Variants in NBAS observed in about 807,000 individuals in gnomAD.
NBAS encodes NBAS subunit of NRZ tethering complex, also known as NAG/BC035112 fusion.
Under a neutral mutation model 302.5 loss-of-function variants are expected in NBAS, and 219 were observed. That is an observed-to-expected ratio of 0.72 (90% CI 0.65 to 0.81). The LOEUF (loss-of-function observed/expected upper bound fraction) is 0.81, where lower values mean the gene tolerates loss of function less well. Ranked by LOEUF, NBAS falls within the 30% of genes least tolerant of loss-of-function variation. The pLI, the probability that NBAS is intolerant of heterozygous loss-of-function variation, is 0.00. For synonymous variants in NBAS, 1,118 were observed against 1,021.6 expected (o/e 1.09, Z -1.80); for missense variants, 2,932 against 2,841.6 (o/e 1.03, Z -0.72).
the NBAS span, among the ~76,000 whole-genome samples, chr2:14,798,079 G>A: frequency 6.6e-6 from 1 of 152,044 alleles, no homozygotes. Context: ...GCTCAAATAT[G>A]CTATGTTTCT....
intron 44 of NBAS, among the ~76,000 whole-genome samples, chr2:15,244,100 C>T (rs1257917929): frequency 6.6e-6 from 1 of 152,116 alleles, no homozygotes; most frequent in African/African-American, 2.4e-5. Context: ...AGGGGTGATA[C>T]ATCAAAGATA....
the NBAS span, among the ~76,000 whole-genome samples, chr2:14,931,922 A>G: frequency 6.6e-6 from 1 of 152,188 alleles, no homozygotes; most frequent in Non-Finnish European, 1.5e-5. Context: ...ACTGGATAGT[A>G]TTTTTATTAA....
the NBAS span, among the ~76,000 whole-genome samples, chr2:14,809,633 G>C: frequency 6.6e-6 from 1 of 152,330 alleles, no homozygotes; most frequent in African/African-American, 2.4e-5. Context: ...GCTAGGTAGG[G>C]CAGTGCAGAA....
intron 12 of NBAS, among the ~76,000 whole-genome samples, chr2:15,481,732 G>A (rs1481424270): frequency 2.0e-5 from 3 of 152,152 alleles, no homozygotes; most frequent in African/African-American, 2.4e-5. Context: ...TTCAACTGAA[G>A]CAACCGAAAG....
At chr2:14,838,426 C>A in the NBAS span, among the ~76,000 whole-genome samples, 1 of 151,898 alleles carries the variant, frequency 6.6e-6, no homozygotes, top group Non-Finnish European at 1.5e-5. Context: ...TGTTGCAACA[C>A]TTTTTATAAT....
At chr2:15,317,461 G>A (rs1671566962) in intron 38 of NBAS, among the ~76,000 whole-genome samples, 1 of 152,180 alleles carries the variant, frequency 6.6e-6, no homozygotes, top group African/African-American at 2.4e-5. Flanking sequence ...CCGAGCTAAA[G>A]GAGCATGTTC....
chr2:15,506,225 C>T (rs902538048), intron 10 of NBAS, among the ~76,000 whole-genome samples: 4 of 151,650 alleles, frequency 2.6e-5, no homozygotes, highest in Non-Finnish European at 5.9e-5. Context: ...AATTATAATC[C>T]ATGAAAACTT....
At chr2:14,954,136 A>G in the NBAS span, among the ~76,000 whole-genome samples, 1 of 152,238 alleles carries the variant, frequency 6.6e-6, no homozygotes. Flanking sequence ...GGCAGAAATT[A>G]TCTCATAAAT....
At chr2:14,955,878 C>T in the NBAS span, among the ~76,000 whole-genome samples, 7 of 152,350 alleles carry the variant, frequency 4.6e-5, no homozygotes, top group South Asian at 1.4e-3. Flanking sequence ...CTGACATACC[C>T]TGGAGACATT....
intron 35 of NBAS, among the ~76,000 whole-genome samples, chr2:15,338,116 A>T (rs913042132): frequency 6.6e-6 from 1 of 152,248 alleles, no homozygotes; most frequent in Non-Finnish European, 1.5e-5. Context: ...GAACATGGAT[A>T]GTGCCATGTG....
the NBAS span, among the ~76,000 whole-genome samples, chr2:14,934,466 T>C: frequency 6.6e-6 from 1 of 152,170 alleles, no homozygotes. Flanking sequence ...TATAAGTCTA[T>C]TGAGTCCGTA....
chr2:14,998,266 C>T, the NBAS span, among the ~76,000 whole-genome samples: 1 of 152,198 alleles, frequency 6.6e-6, no homozygotes, highest in African/African-American at 2.4e-5. Flanking sequence ...AAAATGGATG[C>T]TCTGATTACT....
At chr2:15,181,351 A>C (rs1195548276) in intron 50 of NBAS, among the ~76,000 whole-genome samples, 1 of 152,232 alleles carries the variant, frequency 6.6e-6, no homozygotes. Context: ...ATATCCAAGA[A>C]GGGAGGAACC....
At chr2:15,041,070 A>G in the NBAS span, among the ~76,000 whole-genome samples, 1 of 152,144 alleles carries the variant, frequency 6.6e-6, no homozygotes, top group African/African-American at 2.4e-5. Flanking sequence ...ACAATCCTTC[A>G]ATAGGAGCTC....
chr2:14,872,835 G>A, the NBAS span, among the ~76,000 whole-genome samples: 1 of 152,064 alleles, frequency 6.6e-6, no homozygotes, highest in Non-Finnish European at 1.5e-5. Flanking sequence ...AGACCTTCGT[G>A]GTGAGCGTCT....
At chr2:15,427,570 GA>G in intron 22 of NBAS, 140 bp downstream of exon 22, 1 of 690,572 alleles carries the variant, frequency 1.4e-6, no homozygotes, top group East Asian at 2.7e-5. Context: ...TGAGTCAAAG[GA>G]GTTTAAAACT....
chr2:15,316,593 G>A (rs1671523251), intron 38 of NBAS, among the ~76,000 whole-genome samples: 1 of 152,248 alleles, frequency 6.6e-6, no homozygotes, highest in African/African-American at 2.4e-5. Flanking sequence ...GGCTCGGCGG[G>A]TCCCATGCCC....
At chr2:14,800,887 C>T in the NBAS span, among the ~76,000 whole-genome samples, 544 of 132,282 alleles carry the variant, frequency 4.1e-3, 4 homozygotes, top group Non-Finnish European at 5.4e-3. Flanking sequence ...GTATCATTTC[C>T]TTTGTGTGAA....
chr2:15,358,184 T>C (rs901022127), intron 32 of NBAS, among the ~76,000 whole-genome samples: 3 of 152,076 alleles, frequency 2.0e-5, no homozygotes, highest in Non-Finnish European at 2.9e-5. Flanking sequence ...ACCACTCACC[T>C]GCGCTGCCCA....
Sources: allele counts gnomAD v4.1 joint callset (sites outside exome capture counted in the v4.1 genomes callset), GRCh38; gene constraint gnomAD v4.1.1; transcripts MANE v1.5; gene names NCBI Gene and HGNC (gene_info 2026-07-23, HGNC 2026-07-21).